PHLDB3: variants seen among roughly 807,000 people sequenced by gnomAD.
PHLDB3 encodes pleckstrin homology-like domain family B member 3.
A neutral mutation model predicts 85.7 loss-of-function variants in PHLDB3; 86 were observed. The ratio of observed to expected loss-of-function variants is 1.00; its 90% CI spans 0.84 to 1.20. PHLDB3 has a LOEUF of 1.20. PHLDB3 is among the 50% of genes most tolerant of loss of function. PHLDB3 has a pLI of 0.00. For synonymous variants in PHLDB3, 376 were observed against 349.8 expected, an observed-to-expected ratio of 1.07 and a Z score of -0.83; for missense variants, 995 against 873.0, an observed-to-expected ratio of 1.14 and a Z score of -1.76.
At chr19:43,496,357 T>C (rs1568482654) in intron 6 of PHLDB3, 1 of 152,296 alleles carries the variant, frequency 6.6e-6, no homozygotes, top group Non-Finnish European at 1.5e-5. Flanking sequence ...GTGTTAAATA[T>C]GGTCAAACAT....
At position 43,497,386 on chromosome 19, in the gene PHLDB3, T is replaced by G. The variant is rs1971485506; in HGVS notation, c.664-107A>C. 2.2e-5 allele frequency: 22 copies of G among 982,216 alleles called. No homozygotes were observed. The South Asian group carries it at 4.4e-4, about 20-fold the overall frequency. 60.8% of individuals were successfully genotyped at this position (982,216 alleles called of 1,614,324 possible). A position where few individuals can be genotyped will look rare whatever the true frequency, so the allele number is the denominator to read the frequency against. ...TCAGAGGAAGAAGGTGACTGAGGAC[T>G]TGGATTCCTGGGTCCTGGGGAGGAG... On this transcript the variant is annotated intron_variant, in intron 5 of 15. Coordinates refer to ENST00000292140, the MANE Select transcript of PHLDB3 (RefSeq NM_198850.4).
intron 15 of PHLDB3, 50 bp from the exon 16 acceptor site, chr19:43,475,594 A>C (rs1395038888): frequency 6.2e-7 from 1 of 1,610,326 alleles, no homozygotes; most frequent in Non-Finnish European, 8.5e-7. Context: ...CACCGGCCAC[A>C]GTCTGGGTGC....
chr19:43,490,764 A>C (rs1971295166), intron 9 of PHLDB3, among the ~76,000 whole-genome samples: 1 of 152,130 alleles, frequency 6.6e-6, no homozygotes, highest in Non-Finnish European at 1.5e-5. Context: ...CTTTGTCTGC[A>C]GGGCACTTAT....
Position 43,497,728 on chromosome 19 carries a change from A to C in PHLDB3, c.663+20T>G. 6.5e-7 allele frequency: 1 copy of C among 1,546,736 alleles called. No homozygotes were observed. Among genetic ancestry groups the C allele is most frequent in the African/African-American group, 1.4e-5 (1 of 72,708 alleles). ...CTCTGTCTCAAAAAAAACAAAAAAG[A>C]AAGAACCAGATGCCATTACCTCCTG... On this transcript the variant is annotated intron_variant, in intron 5 of 15. Transcript: ENST00000292140.
chr19:43,504,102 C>T lies in PHLDB3; in HGVS notation c.17G>A (p.Ser6Asn), dbSNP rs780882753. The T allele has an allele frequency of 4.4e-5, 71 of 1,603,298 alleles. No individual in the cohort carries two copies. The highest frequency in any genetic ancestry group is 5.6e-5 in the South Asian group (5 of 89,700). Reference sequence around the variant, plus strand: ...CGGCGGCGGGGTCCCCTCCTCGGGGCTGCTTCGCGTCCCCATGGCCGCTGG... The same window carrying T: ...CGGCGGCGGGGTCCCCTCCTCGGGGTTGCTTCGCGTCCCCATGGCCGCTGG... MGTRS[S>N]PEEGTPPPLV... The change falls in exon 2 of 16, where the codon AGC (serine) becomes AAC (asparagine). Residue 6 changes from serine (S) to asparagine (N), a missense_variant. Coordinates refer to ENST00000292140, the MANE Select transcript of PHLDB3 (RefSeq NM_198850.4).
intron 13 of PHLDB3, 138 bp from the exon 14 acceptor site, chr19:43,479,731 A>G: frequency 4.7e-6 from 3 of 632,650 alleles, no homozygotes; most frequent in Non-Finnish European, 5.6e-6. Flanking sequence ...AACTAGGACC[A>G]TCTGACAAAT....
In PHLDB3 at chr19:43,495,345, A is replaced by G; in HGVS notation, c.952-6T>C. The G allele has an allele frequency of 5.6e-6, 9 of 1,612,812 alleles. No homozygotes were observed. The highest frequency in any genetic ancestry group is 1.1e-5 in the South Asian group (1 of 90,818). On this transcript the variant is annotated splice_polypyrimidine_tract_variant and splice_region_variant and intron_variant, in intron 7 of 15. Transcript: ENST00000292140. ...TCGAGCAGCCGGCTCCGTTCCTACC[A>G]GAAGATATGGACAGCTACGTGTCAA...
Position 43,479,479 on chromosome 19 carries a change from A to G in PHLDB3, c.1600T>C (p.Cys534Arg). Reference sequence around the variant, plus strand: ...ATCTTCACCAGGGGTCCACGGCAGCAGCACCCAGACACCTGCACATGTGGG... The same window carrying G: ...ATCTTCACCAGGGGTCCACGGCAGCGGCACCCAGACACCTGCACATGTGGG... ...NCPHVQVSGC[C>R]CRGPLVKMGG... The change falls in exon 14 of 16, where the codon TGC becomes CGC. Residue 534 changes from cysteine (C) to arginine (R), a missense_variant. By Grantham distance (180) the Cys-to-Arg change is radical (BLOSUM62 -3). Coordinates refer to ENST00000292140, the MANE Select transcript of PHLDB3 (RefSeq NM_198850.4). 1 of 1,555,904 alleles carries G rather than the reference A, an allele frequency of 6.4e-7. No individual in the cohort carries two copies. The highest frequency in any genetic ancestry group is 8.7e-7 in the Non-Finnish European group (1 of 1,149,850).
intron 9 of PHLDB3, 131 bp from the exon 10 acceptor site, chr19:43,487,254 G>A (rs147378440): frequency 1.4e-6 from 1 of 725,756 alleles, no homozygotes; most frequent in African/African-American, 1.8e-5. Flanking sequence ...TGAGTGAAAG[G>A]ACCTCACAGG....
At chr19:43,495,923 G>C in intron 6 of PHLDB3, 1 of 278,944 alleles carries the variant, frequency 3.6e-6, no homozygotes. Flanking sequence ...AAATAGAACA[G>C]AGACAAGTAG....
chr19:43,479,578 GT>G lies in PHLDB3; in HGVS notation c.1500del (p.His502ThrfsTer39). On this transcript the variant is annotated frameshift_variant, in exon 14 of 16. Coordinates refer to ENST00000292140, the MANE Select transcript of PHLDB3 (RefSeq NM_198850.4). LOFTEE classifies it high-confidence loss of function. Reference sequence around the variant, plus strand: ...AAGATTCGCGGGCCTGGAGGGTGGGGTGGGGTGGGTGGGGCCTGGGGAGCAA... The same window carrying G: ...AAGATTCGCGGGCCTGGAGGGTGGGGGGGGTGGGTGGGGCCTGGGGAGCAA... ...AVPAITAPPT[P>X]PHPPGPRILD... is the part of the protein sequence containing the mutation. 1 of 1,490,658 alleles carries G rather than the reference GT, an allele frequency of 6.7e-7. No homozygotes were observed. Among genetic ancestry groups the G allele is most frequent in the Non-Finnish European group, 9.1e-7 (1 of 1,095,122 alleles). The allele number at this position is 1,490,658 out of a possible 1,614,324, so 92.3% of individuals were successfully genotyped here. A position where few individuals can be genotyped will look rare whatever the true frequency, so the allele number is the denominator to read the frequency against.
chr19:43,498,214 C>T lies in PHLDB3; in HGVS notation c.535-338G>A, dbSNP rs573819630. On this transcript the variant is annotated intron_variant, in intron 4 of 15. Coordinates refer to ENST00000292140, the MANE Select transcript of PHLDB3 (RefSeq NM_198850.4). Reference sequence around the variant, plus strand: ...ATTAGTGGAGTGTGTTAGTGCACGCCTGTAGTTCCAGCTACTCGGGAGGCT... The same window carrying T: ...ATTAGTGGAGTGTGTTAGTGCACGCTTGTAGTTCCAGCTACTCGGGAGGCT... Among the ~76,000 whole-genome samples the T allele has an allele frequency of 3.3e-5, 5 of 152,234 alleles. No individual in the cohort carries two copies. In the South Asian group the frequency reaches 1.0e-3, roughly 32 times the overall value.
intron 2 of PHLDB3, 84 bp from the exon 3 acceptor site, chr19:43,502,367 C>T (rs1324608898): frequency 3.7e-6 from 5 of 1,346,860 alleles, no homozygotes; most frequent in Non-Finnish European, 5.0e-6. Flanking sequence ...CCAACATCAC[C>T]CTCTGCGGGT....
intron 13 of PHLDB3, among the ~76,000 whole-genome samples, chr19:43,480,779 G>A (rs1042533383): frequency 4.6e-5 from 7 of 152,098 alleles, no homozygotes; most frequent in African/African-American, 1.7e-4. Context: ...TAAGTCACTC[G>A]GCACAAGTCA....
chr19:43,491,421 A>G (rs973938502), intron 9 of PHLDB3, among the ~76,000 whole-genome samples: 1 of 152,208 alleles, frequency 6.6e-6, no homozygotes, highest in Non-Finnish European at 1.5e-5. Context: ...ATAAGATTCA[A>G]AGTGATAAAA....
At chr19:43,495,664 G>A in intron 6 of PHLDB3, 44 bp from the exon 7 acceptor site, 1 of 1,576,384 alleles carries the variant, frequency 6.3e-7, no homozygotes, top group Non-Finnish European at 8.6e-7. Context: ...CAGCTCTCCA[G>A]GCCACCCTCC....
In PHLDB3 at chr19:43,475,229, G is replaced by T; in HGVS notation, c.*181C>A. The stretch of plus-strand genomic sequence containing the variant: ...GGGCCGGCGATCCCGTCGGGGGCAA[G>T]GCACCTGCAACCCAGAACGCAGCAG... On this transcript the variant is annotated 3_prime_UTR_variant, in exon 16 of 16. Coordinates refer to ENST00000292140, the MANE Select transcript of PHLDB3 (RefSeq NM_198850.4). The T allele has an allele frequency of 1.2e-6, 1 of 814,552 alleles. No homozygotes were observed. The highest frequency in any genetic ancestry group is 1.9e-5 in the South Asian group (1 of 51,966). 50.5% of individuals were successfully genotyped at this position (814,552 alleles called of 1,614,324 possible). A position where few individuals can be genotyped will look rare whatever the true frequency, so the allele number is the denominator to read the frequency against.
At position 43,487,591 on chromosome 19, in the gene PHLDB3, A is replaced by AAAAAAAAAAAAAAAAAAAAAAAAAAC. The variant is rs1167897767; in HGVS notation, c.1150-469_1150-468insGTTTTTTTTTTTTTTTTTTTTTTTTT. Among the ~76,000 whole-genome samples the AAAAAAAAAAAAAAAAAAAAAAAAAAC allele has an allele frequency of 2.2e-3, 259 of 115,592 alleles. 29 individuals carry two copies. Among genetic ancestry groups the AAAAAAAAAAAAAAAAAAAAAAAAAAC allele is most frequent in the Non-Finnish European group, 3.2e-3 (164 of 51,328 alleles). The allele number at this position is 115,592 out of a possible 152,430, so 75.8% of individuals were successfully genotyped here. On this transcript the variant is annotated intron_variant, in intron 9 of 15. Coordinates refer to ENST00000292140, the MANE Select transcript of PHLDB3 (RefSeq NM_198850.4). Reference sequence around the variant, plus strand: ...CTCTGTCTCAAAAAAAAAAAAAAAAAACACAGAAAAGAAAAAAAGAAATGT... The same window carrying AAAAAAAAAAAAAAAAAAAAAAAAAAC: ...CTCTGTCTCAAAAAAAAAAAAAAAAAAAAAAAAAAAAAAAAAAAAAAAAAACACACAGAAAAGAAAAAAAGAAATGT...
intron 13 of PHLDB3, among the ~76,000 whole-genome samples, chr19:43,481,803 AAAAG>A (rs1417541415): frequency 7.3e-5 from 11 of 151,682 alleles, no homozygotes; most frequent in African/African-American, 1.5e-4. Context: ...CAAAAAAAAA[AAAAG>A]AAAGAAAAGA....
Sources: gnomAD v4.1 joint callset for allele counts (sites outside exome capture counted in the v4.1 genomes callset) on GRCh38, gnomAD v4.1.1 for gene constraint, MANE v1.5 for transcripts, NCBI Gene and HGNC (gene_info 2026-07-23, HGNC 2026-07-21) for gene names.